The following CAMSAP3 variants were observed in gnomAD, a reference collection of about 807,000 sequenced individuals.
CAMSAP3 encodes calmodulin regulated spectrin associated protein family member 3.
CAMSAP3 carries 34 observed loss-of-function variants against 112.5 expected under a neutral mutation model. The ratio of observed to expected loss-of-function variants is 0.30; its 90% confidence interval spans 0.23 to 0.40. CAMSAP3 has a LOEUF of 0.40. Ranked by LOEUF, CAMSAP3 falls within the 10% of genes least tolerant of loss-of-function variation. CAMSAP3 has a pLI of 1.00. For synonymous variants in CAMSAP3, 868 were observed against 799.8 expected, an observed-to-expected ratio of 1.09 and a Z score of -1.44; for missense variants, 1,602 against 1,770.3, an observed-to-expected ratio of 0.90 and a Z score of 1.71.
At position 7,607,169 on chromosome 19, in the gene CAMSAP3, AGGG is replaced by A. The variant is rs1481394446; in HGVS notation, c.621+602_621+604del. Among the ~76,000 whole-genome samples the A allele has an allele frequency of 6.6e-6, 1 of 152,066 alleles. No homozygotes were observed. Among genetic ancestry groups the A allele is most frequent in the African/African-American group, 2.4e-5 (1 of 41,438 alleles). On this transcript the variant is annotated intron_variant, in intron 4 of 16. Transcript: ENST00000160298. This position sits in a 1 kb window ranked among gnomAD's most constrained non-coding sequence, Gnocchi z 4.9. ...GTGGGGAGACCACATAAATTTCTGA[AGGG>A]GGGACCTGCAGCCCATCACAAACGT... is the stretch of plus-strand genomic sequence containing the variant.
chr19:7,612,400 C>G lies in CAMSAP3; in HGVS notation c.1907C>G (p.Ala636Gly). The G allele has an allele frequency of 6.3e-7, 1 of 1,596,406 alleles. No homozygotes were observed. ...CACCGCCAGCGGCTGGGCAAAAGCG[C>G]CTTCCTGCAGGTGCAGCCGCGGGAA... ...AKHRQRLGKS[A>G]FLQVQPREAS... Residue 636 changes from alanine (A) to glycine (G), a missense_variant, in exon 11 of 17, where the codon GCC (alanine) becomes GGC (glycine). Physicochemically the swap from Ala to Gly is moderately conservative, Grantham distance 60. Coordinates refer to ENST00000160298, the MANE Select transcript of CAMSAP3 (RefSeq NM_020902.2).
chr19:7,607,725 C>A lies in CAMSAP3; in HGVS notation c.622-401C>A. The A allele has an allele frequency of 2.0e-6, 1 of 495,858 alleles. No individual in the cohort carries two copies. Among genetic ancestry groups the A allele is most frequent in the Admixed American group, 3.7e-5 (1 of 27,200 alleles). 30.7% of individuals were successfully genotyped at this position (495,858 alleles called of 1,614,324 possible). Reference sequence around the variant, plus strand: ...GAGCTGGACGGCCGGGGCTCAGGACCAGGGTCAGGGCTACCCCCTCCCCCC... The same window carrying A: ...GAGCTGGACGGCCGGGGCTCAGGACAAGGGTCAGGGCTACCCCCTCCCCCC... On this transcript the variant is annotated intron_variant, in intron 4 of 16. Transcript: ENST00000160298. This position sits in a 1 kb window ranked among gnomAD's most constrained non-coding sequence, Gnocchi z 4.9.
At position 7,613,016 on chromosome 19, in the gene CAMSAP3, G is replaced by C; in HGVS notation, c.2523G>C (p.Pro841=). ...ETPPEEPAAR[P]GLIEIPLGSL... ...CCCCCGAGGAGCCAGCCGCCCGGCC[G>C]GGCCTCATCGAGATCCCGCTGGGCA... The change falls in exon 11 of 17, where the codon CCG becomes CCC. Residue 841 remains proline (P), a synonymous_variant. Coordinates refer to ENST00000160298, the MANE Select transcript of CAMSAP3 (RefSeq NM_020902.2). The C allele has an allele frequency of 1.9e-6, 3 of 1,560,486 alleles. No individual in the cohort carries two copies. The highest frequency in any genetic ancestry group is 2.6e-6 in the Non-Finnish European group (3 of 1,154,388).
At position 7,612,909 on chromosome 19, in the gene CAMSAP3, A is replaced by G; in HGVS notation, c.2416A>G (p.Ser806Gly). Residue 806 changes from serine to glycine, a missense_variant, in exon 11 of 17, where the codon AGC becomes GGC. Physicochemically the swap from Ser to Gly is moderately conservative, Grantham distance 56. Coordinates refer to ENST00000160298, the MANE Select transcript of CAMSAP3 (RefSeq NM_020902.2). ...GCTTACGCCACCCCACGACGTAGAC[A>G]GCCTCCCCCACCTGCGCAAGTTCTC... is the stretch of plus-strand genomic sequence containing the variant. The part of the protein sequence containing the change: ...RVLTPPHDVD[S>G]LPHLRKFSPS... The G allele has an allele frequency of 6.2e-7, 1 of 1,609,372 alleles. No individual in the cohort carries two copies. Among genetic ancestry groups the G allele is most frequent in the South Asian group, 1.1e-5 (1 of 90,870 alleles).
Position 7,615,500 on chromosome 19 carries a change from C to T in CAMSAP3, c.2893C>T (p.Pro965Ser). The T allele has an allele frequency of 6.5e-7, 1 of 1,539,984 alleles. No homozygotes were observed. Among genetic ancestry groups the T allele is most frequent in the Non-Finnish European group, 8.7e-7 (1 of 1,145,232 alleles). Residue 965 changes from proline to serine, a missense_variant, in exon 13 of 17, where the codon CCA (proline) becomes TCA (serine). By Grantham distance (74) the Pro-to-Ser change is moderately conservative. Coordinates refer to ENST00000160298, the MANE Select transcript of CAMSAP3 (RefSeq NM_020902.2). This position sits in a 1 kb window ranked among gnomAD's most constrained non-coding sequence, Gnocchi z 6.5. ...GACTCCAGCCCCTGCTGCCCGGGCT[C>T]CAGCCGAGGAGGAGGTGGGCCCCCG... ...MATPAPAARA[P>S]AEEEVGPRKG...
At chr19:7,597,673 C>T (rs1019030582) in intron 1 of CAMSAP3, among the ~76,000 whole-genome samples, 11 of 152,168 alleles carry the variant, frequency 7.2e-5, no homozygotes, top group South Asian at 6.2e-4. Flanking sequence ...TCGCGTGGCA[C>T]GGGGCGCGTG....
chr19:7,616,878 T>C (rs1055994440), intron 14 of CAMSAP3, among the ~76,000 whole-genome samples: 3 of 149,366 alleles, frequency 2.0e-5, no homozygotes, highest in African/African-American at 5.0e-5. Flanking sequence ...GGGCACTGCA[T>C]GGACTTGGGA....
chr19:7,614,259 CAAAAAAA>C (rs1173068955), intron 11 of CAMSAP3, among the ~76,000 whole-genome samples: 4 of 18,766 alleles, frequency 2.1e-4, no homozygotes, highest in Non-Finnish European at 3.5e-4. Flanking sequence ...GACTCCATCT[CAAAAAAA>C]AAAAAAAAAA....
intron 1 of CAMSAP3, among the ~76,000 whole-genome samples, chr19:7,600,845 T>C: frequency 1.1e-5 from 1 of 90,136 alleles, no homozygotes; most frequent in Non-Finnish European, 2.2e-5. Context: ...CACCTACCCA[T>C]TCATCCATCC....
chr19:7,613,042 G>A lies in CAMSAP3; in HGVS notation c.2549G>A (p.Ser850Asn), dbSNP rs1452356727. Residue 850 changes from serine (S) to asparagine (N), a missense_variant, in exon 11 of 17, where the codon AGC becomes AAC. By Grantham distance (46) the Ser-to-Asn change is conservative. This residue lies in a region of CAMSAP3 where 1,100 missense variants were observed against 1,135.7 expected (regional missense o/e 0.97). Coordinates refer to ENST00000160298, the MANE Select transcript of CAMSAP3 (RefSeq NM_020902.2). ...RPGLIEIPLG[S>N]LADPAAEDEG... ...GGCCTCATCGAGATCCCGCTGGGCA[G>A]CCTGGCAGATCCCGCCGCCGAGGAC... The A allele has an allele frequency of 1.3e-6, 2 of 1,552,666 alleles. No homozygotes were observed. Among genetic ancestry groups the A allele is most frequent in the South Asian group, 1.2e-5 (1 of 84,646 alleles).
chr19:7,607,975 C>G lies in CAMSAP3; in HGVS notation c.622-151C>G. On this transcript the variant is annotated intron_variant, in intron 4 of 16. Coordinates refer to ENST00000160298, the MANE Select transcript of CAMSAP3 (RefSeq NM_020902.2). The surrounding 1 kb of genome is among the most constrained non-coding windows in gnomAD (Gnocchi z 4.9). ...TCTGCCTCTTGCTGCTGCCCCTCCC[C>G]TGCTCCAGGCTGGCCCCCCAACTCT... 1 of 954,894 alleles carries G rather than the reference C, an allele frequency of 1.0e-6. No homozygotes were observed. The highest frequency in any genetic ancestry group is 1.5e-5 in the South Asian group (1 of 68,398). The allele number at this position is 954,894 out of a possible 1,614,324, so 59.2% of individuals were successfully genotyped here. A position where few individuals can be genotyped will look rare whatever the true frequency, so the allele number is the denominator to read the frequency against.
At position 7,615,500 on chromosome 19, in the gene CAMSAP3, C is replaced by G. The variant is rs1486136756; in HGVS notation, c.2893C>G (p.Pro965Ala). ...GACTCCAGCCCCTGCTGCCCGGGCT[C>G]CAGCCGAGGAGGAGGTGGGCCCCCG... ...MATPAPAARA[P>A]AEEEVGPRKG... Residue 965 changes from proline to alanine, a missense_variant, in exon 13 of 17, where the codon CCA becomes GCA. Pro to Ala is a conservative substitution (Grantham distance 27). Around this residue, in one of 6 missense-constraint regions of CAMSAP3, gnomAD observed 1,100 missense variants for 1,135.7 expected, o/e 0.97. Transcript: ENST00000160298. The surrounding 1 kb of genome is among the most constrained non-coding windows in gnomAD (Gnocchi z 6.5). The G allele has an allele frequency of 6.5e-7, 1 of 1,539,866 alleles. No homozygotes were observed. The highest frequency in any genetic ancestry group is 1.4e-5 in the African/African-American group (1 of 72,694).
intron 5 of CAMSAP3, among the ~76,000 whole-genome samples, chr19:7,609,808 A>G (rs1049001252): frequency 2.0e-5 from 3 of 152,098 alleles, no homozygotes; most frequent in Admixed American, 2.0e-4. Context: ...GGAGGGTGCA[A>G]CCTAGATCCC....
rs950381539 is a variant in CAMSAP3 at position 7,617,025 on chromosome 19, G to A, written c.3213-301G>A. Among the ~76,000 whole-genome samples, 6 of 140,238 alleles carry A rather than the reference G, an allele frequency of 4.3e-5. No individual in the cohort carries two copies. In the East Asian group the frequency reaches 6.6e-4, roughly 15 times the overall value. The allele number at this position is 140,238 out of a possible 152,430, so 92.0% of individuals were successfully genotyped here. A position where few individuals can be genotyped will look rare whatever the true frequency, so the allele number is the denominator to read the frequency against. On this transcript the variant is annotated intron_variant, in intron 14 of 16. Coordinates refer to ENST00000160298, the MANE Select transcript of CAMSAP3 (RefSeq NM_020902.2). The surrounding 1 kb of genome is among the most constrained non-coding windows in gnomAD (Gnocchi z 7.5). ...GTGCAGTGGCGCAATCTTGGCTCAC[G>A]GCAACCTCCGCCCCCTGGGTGCAAG...
intron 1 of CAMSAP3, among the ~76,000 whole-genome samples, chr19:7,601,137 A>C (rs1441454533): frequency 6.6e-6 from 1 of 152,148 alleles, no homozygotes; most frequent in Non-Finnish European, 1.5e-5. Context: ...AAAAACAAAC[A>C]ACAAAAACCA....
chr19:7,605,243 C>A lies in CAMSAP3; in HGVS notation c.166C>A (p.Leu56Met). 1 of 1,559,320 alleles carries A rather than the reference C, an allele frequency of 6.4e-7. No homozygotes were observed. The highest frequency in any genetic ancestry group is 8.7e-7 in the Non-Finnish European group (1 of 1,151,944). ...FGGAEHVPPE[L>M]WEPFYTDQYA... ...CCCCACAGAGCACGTGCCCCCGGAG[C>A]TGTGGGAGCCCTTCTATACCGACCA... is the stretch of plus-strand genomic sequence containing the variant. Residue 56 changes from leucine to methionine, a missense_variant, in exon 2 of 17, where the codon CTG becomes ATG. Coordinates refer to ENST00000160298, the MANE Select transcript of CAMSAP3 (RefSeq NM_020902.2).
At position 7,615,785 on chromosome 19, in the gene CAMSAP3, A is replaced by C; in HGVS notation, c.3112+66A>C. On this transcript the variant is annotated intron_variant, in intron 13 of 16. Transcript: ENST00000160298. The surrounding 1 kb of genome is among the most constrained non-coding windows in gnomAD (Gnocchi z 6.5). Reference sequence around the variant, plus strand: ...CCGGGGCTCACTGGGTGAGGCCCCCATGGGTAAGGGGGGAGGGGGAGGGAG... The same window carrying C: ...CCGGGGCTCACTGGGTGAGGCCCCCCTGGGTAAGGGGGGAGGGGGAGGGAG... The C allele has an allele frequency of 1.0e-5, 4 of 381,412 alleles. No homozygotes were observed. Among genetic ancestry groups the C allele is most frequent in the Non-Finnish European group, 1.3e-5 (4 of 307,432 alleles). The allele number at this position is 381,412 out of a possible 1,614,324, so 23.6% of individuals were successfully genotyped here.
intron 1 of CAMSAP3, among the ~76,000 whole-genome samples, chr19:7,597,446 T>G (rs561604130): frequency 6.6e-6 from 1 of 152,302 alleles, no homozygotes; most frequent in South Asian, 2.1e-4. Context: ...GAATGTGAAG[T>G]CCAGCTGCAC....
intron 5 of CAMSAP3, among the ~76,000 whole-genome samples, chr19:7,609,462 G>A (rs961252875): frequency 3.3e-5 from 5 of 151,856 alleles, no homozygotes; most frequent in East Asian, 1.9e-4. Context: ...CACCTGGCCC[G>A]GAAAAGCTTT....
Sources: gnomAD v4.1 joint callset for allele counts (sites outside exome capture counted in the v4.1 genomes callset) on GRCh38, gnomAD v4.1.1 for gene constraint, gnomAD v4.1.1 regional missense constraint, Gnocchi (gnomAD v3.1) non-coding constraint, MANE v1.5 for transcripts, NCBI Gene and HGNC (gene_info 2026-07-23, HGNC 2026-07-21) for gene names.